The following CDH13 variants were observed in gnomAD, a reference collection of about 807,000 sequenced individuals.
CDH13 encodes cadherin-13.
CDH13 carries 24 observed loss-of-function variants against 63.8 expected under a neutral mutation model. The ratio of observed to expected loss-of-function variants is 0.38; its 90% CI spans 0.27 to 0.53. The LOEUF (loss-of-function observed/expected upper bound fraction) is 0.53. Among genes scored for constraint, CDH13 ranks in the 20% least tolerant of loss-of-function variants. The probability of loss-of-function intolerance (pLI) is 0.85; values close to 1 mark genes in which losing one functional copy is unlikely to be tolerated. For missense variants in CDH13, 1,049 were observed against 903.1 expected, an observed-to-expected ratio of 1.16 and a Z score of -2.07; for synonymous variants, 503 against 355.3, an observed-to-expected ratio of 1.42 and a Z score of -4.67.
chr16:83,653,797 T>G (rs577362419), intron 8 of CDH13, among the ~76,000 whole-genome samples: 2 of 152,204 alleles, frequency 1.3e-5, no homozygotes, highest in African/African-American at 4.8e-5. Context: ...CACTCCCACA[T>G]AGGGACAACA....
chr16:83,044,212 T>C (rs556136600), intron 3 of CDH13, among the ~76,000 whole-genome samples: 99 of 152,324 alleles, frequency 6.5e-4, no homozygotes, highest in African/African-American at 2.3e-3. Context: ...ACTTAACCAG[T>C]GCCATCATCC....
intron 2 of CDH13, among the ~76,000 whole-genome samples, chr16:82,939,099 C>T (rs1011112252): frequency 6.6e-6 from 1 of 152,162 alleles, no homozygotes; most frequent in Non-Finnish European, 1.5e-5. Flanking sequence ...CTGACAGCAT[C>T]TCCTCTGGTG....
intron 5 of CDH13, among the ~76,000 whole-genome samples, chr16:83,268,271 A>G (rs895871647): frequency 4.6e-5 from 7 of 152,328 alleles, no homozygotes; most frequent in African/African-American, 1.7e-4. Flanking sequence ...GTAGGAGAGG[A>G]ACTTCCATGG....
chr16:83,346,987 C>G (rs569183557), intron 6 of CDH13, among the ~76,000 whole-genome samples: 95 of 152,278 alleles, frequency 6.2e-4, no homozygotes, highest in African/African-American at 2.2e-3. Context: ...TCAGCACCCT[C>G]TGGGTTGGAC....
At chr16:82,824,022 T>A (rs181021159) in intron 1 of CDH13, 65 of 152,294 alleles carry the variant, frequency 4.3e-4, no homozygotes, top group African/African-American at 1.6e-3. Flanking sequence ...ATGATTGAGT[T>A]TATATTTGAG....
chr16:83,139,142 C>G (rs1038583458), intron 4 of CDH13, among the ~76,000 whole-genome samples: 6 of 152,142 alleles, frequency 3.9e-5, no homozygotes, highest in Non-Finnish European at 2.9e-5. Flanking sequence ...GGTGACAGAT[C>G]CACCTGCGTG....
chr16:82,933,230 C>G (rs1404756805), intron 2 of CDH13, among the ~76,000 whole-genome samples: 1 of 151,992 alleles, frequency 6.6e-6, no homozygotes, highest in African/African-American at 2.4e-5. Flanking sequence ...CTGGTGAGGC[C>G]TCAGGAAAGT....
Position 83,196,271 on chromosome 16 carries a change from A to C in CDH13, c.484-21074A>C, listed in dbSNP as rs553253037. On this transcript the variant is annotated intron_variant, in intron 4 of 13. Coordinates refer to ENST00000567109, the MANE Select transcript of CDH13 (RefSeq NM_001257.5). ...ATTCCATCTCAAAAAAGAAAAAAAAACAAAAACAGAAAATGTTAACTCAAA... is the reference window on the plus strand; with the variant it reads ...ATTCCATCTCAAAAAAGAAAAAAAACCAAAAACAGAAAATGTTAACTCAAA... 5.3e-5 allele frequency among the ~76,000 whole-genome samples: 8 copies of C among 152,300 alleles called. No homozygotes were observed. The South Asian group carries it at 1.7e-3, about 32-fold the overall frequency.
intron 5 of CDH13, among the ~76,000 whole-genome samples, chr16:83,338,980 C>G (rs1438065372): frequency 6.6e-6 from 1 of 152,132 alleles, no homozygotes; most frequent in Non-Finnish European, 1.5e-5. Context: ...TAAACATTGA[C>G]AAAGACACCC....
chr16:83,040,349 C>G (rs1386134366), intron 3 of CDH13, among the ~76,000 whole-genome samples: 1 of 152,120 alleles, frequency 6.6e-6, no homozygotes, highest in African/African-American at 2.4e-5. Flanking sequence ...AAAGTCCCAT[C>G]GTAGGCCATC....
intron 4 of CDH13, among the ~76,000 whole-genome samples, chr16:83,201,067 G>C (rs2039015999): frequency 6.6e-6 from 1 of 151,956 alleles, no homozygotes; most frequent in African/African-American, 2.4e-5. Flanking sequence ...AGCAGAACTG[G>C]TCCTTACCAG....
intron 3 of CDH13, among the ~76,000 whole-genome samples, chr16:83,096,637 G>C (rs1050810629): frequency 6.6e-6 from 1 of 152,188 alleles, no homozygotes; most frequent in Non-Finnish European, 1.5e-5. Context: ...TTCCAGTCGT[G>C]TGTCAATGCA....
chr16:83,572,530 G>A (rs1051851478), intron 7 of CDH13, among the ~76,000 whole-genome samples: 1 of 152,124 alleles, frequency 6.6e-6, no homozygotes, highest in East Asian at 1.9e-4. Context: ...TACTGTCAGT[G>A]TCAGGTTCGC....
At chr16:83,079,151 T>TA (rs1465426133) in intron 3 of CDH13, among the ~76,000 whole-genome samples, 1 of 152,168 alleles carries the variant, frequency 6.6e-6, no homozygotes, top group Non-Finnish European at 1.5e-5. Context: ...TTGTTTATTA[T>TA]ATGTGGCCAA....
chr16:83,757,556 T>A (rs112649952), intron 11 of CDH13, among the ~76,000 whole-genome samples: 1 of 152,134 alleles, frequency 6.6e-6, no homozygotes, highest in Non-Finnish European at 1.5e-5. Flanking sequence ...CCAGCCTGGG[T>A]GACAGAGCGA....
intron 7 of CDH13, among the ~76,000 whole-genome samples, chr16:83,519,493 A>G (rs2074779063): frequency 6.6e-6 from 1 of 152,250 alleles, no homozygotes; most frequent in African/African-American, 2.4e-5. Context: ...ATTTGAGGGT[A>G]TTTGAGCAAA....
At chr16:82,924,657 A>G (rs8052619) in intron 2 of CDH13, among the ~76,000 whole-genome samples, 50,000 of 152,082 alleles carry the variant, frequency 0.33, 9,774 homozygotes, top group Non-Finnish European at 0.45. Flanking sequence ...TAGGAAGGTG[A>G]GTGAGTTACC....
intron 3 of CDH13, among the ~76,000 whole-genome samples, chr16:83,110,082 G>C (rs1465302804): frequency 1.3e-5 from 2 of 152,150 alleles, no homozygotes; most frequent in Non-Finnish European, 2.9e-5. Flanking sequence ...GAATATGTGG[G>C]GTTATTTTCT....
intron 6 of CDH13, among the ~76,000 whole-genome samples, chr16:83,482,104 G>A (rs2073782396): frequency 6.6e-6 from 1 of 152,182 alleles, no homozygotes; most frequent in African/African-American, 2.4e-5. Context: ...AGGCAGTCGT[G>A]GAAAATCTCC....
Sources: gnomAD v4.1 joint callset for allele counts (sites outside exome capture counted in the v4.1 genomes callset) on GRCh38, gnomAD v4.1.1 for gene constraint, MANE v1.5 for transcripts, NCBI Gene and HGNC (gene_info 2026-07-23, HGNC 2026-07-21) for gene names.